ZNF705A: variants seen among roughly 807,000 people sequenced by gnomAD.
ZNF705A encodes the protein zinc finger protein 705A.
A neutral mutation model predicts 16.6 loss-of-function variants in ZNF705A; 8 were observed. The ratio of observed to expected loss-of-function variants is 0.48; its 90% CI spans 0.28 to 0.87. The LOEUF is 0.87. Among genes scored for constraint, ZNF705A ranks in the 40% least tolerant of loss-of-function variants. The pLI is 0.10. For missense variants in ZNF705A, 233 were observed against 359.9 expected (o/e 0.65, Z 2.85); for synonymous variants, 73 against 117.3 (o/e 0.62, Z 2.44).
At chr12:8,160,547 T>C (rs1356646993) in intron 1 of ZNF705A, among the ~76,000 whole-genome samples, 1 of 146,662 alleles carries the variant, frequency 6.8e-6, no homozygotes, top group African/African-American at 2.6e-5. Flanking sequence ...CCTCTTTGGT[T>C]AGGTATATTT....
Position 8,175,849 on chromosome 12 carries a change from A to C in ZNF705A, c.236-11A>C. 1 of 1,611,298 alleles carries C rather than the reference A, an allele frequency of 6.2e-7. No homozygotes were observed. Among genetic ancestry groups the C allele is most frequent in the East Asian group, 2.2e-5 (1 of 44,828 alleles). ...ATACCAATGTAACAATTTATTTTTC[A>C]ATTATTTCAGACAGGGAAAGTGCCC... On this transcript the variant is annotated splice_polypyrimidine_tract_variant and intron_variant, in intron 3 of 4. Transcript: ENST00000359286.
upstream of ZNF705A, among the ~76,000 whole-genome samples, chr12:8,168,636 A>G (rs1948419846): frequency 1.3e-5 from 2 of 152,258 alleles, no homozygotes; most frequent in African/African-American, 4.8e-5. Context: ...TATCCTTAGT[A>G]GTAATAGCCA....
At chr12:8,176,213 C>T (rs1948483325) in intron 4 of ZNF705A, among the ~76,000 whole-genome samples, 1 of 152,148 alleles carries the variant, frequency 6.6e-6, no homozygotes. Flanking sequence ...AATAACTCTG[C>T]AGTTGAGATC....
chr12:8,175,661 T>C (rs1948479192), intron 3 of ZNF705A, among the ~76,000 whole-genome samples, 199 bp from the exon 5 acceptor site: 1 of 152,190 alleles, frequency 6.6e-6, no homozygotes, highest in Admixed American at 6.5e-5. Flanking sequence ...TTTAACTCTT[T>C]TCACATTTTA....
chr12:8,168,008 G>A (rs146582651), upstream of ZNF705A, among the ~76,000 whole-genome samples: 182 of 152,336 alleles, frequency 1.2e-3, no homozygotes, highest in African/African-American at 3.6e-3. Flanking sequence ...TTTCCGGCAT[G>A]CACAGTGGTT....
chr12:8,163,000 C>T (rs913432299), intron 1 of ZNF705A, among the ~76,000 whole-genome samples: 3 of 152,214 alleles, frequency 2.0e-5, no homozygotes, highest in African/African-American at 7.2e-5. Flanking sequence ...TTCCTCAGAA[C>T]TGAGGAGGGA....
In ZNF705A at chr12:8,173,218, T is replaced by A. The variant is rs767765187; in HGVS notation, c.12+581T>A. ...AAAATATATTTGAGCTTCTAAAAAC[T>A]TTGTGAAAGGACAACTAAAGAAGTC... On this transcript the variant is annotated intron_variant, in intron 1 of 4. Coordinates refer to ENST00000359286, the Ensembl canonical transcript of ZNF705A. 2.0e-5 allele frequency among the ~76,000 whole-genome samples: 3 copies of A among 152,346 alleles called. No homozygotes were observed. The East Asian group carries it at 5.8e-4, about 29-fold the overall frequency.
At chr12:8,164,377 C>T (rs1445929964) in intron 1 of ZNF705A, among the ~76,000 whole-genome samples, 1 of 152,118 alleles carries the variant, frequency 6.6e-6, no homozygotes, top group East Asian at 1.9e-4. Context: ...TAACATAATG[C>T]CCTCCAAGTC....
chr12:8,177,623 C>G, exon 5 of ZNF705A: 1 of 1,577,072 alleles, frequency 6.3e-7, no homozygotes, highest in Non-Finnish European at 8.7e-7. Context: ...ATATGAATGC[C>G]ATTTATGTGG....
intron 1 of ZNF705A, among the ~76,000 whole-genome samples, chr12:8,166,435 C>A (rs1183749263): frequency 6.6e-6 from 1 of 152,168 alleles, no homozygotes; most frequent in Non-Finnish European, 1.5e-5. Flanking sequence ...CAGTTTTTCC[C>A]ATGCTGTTCT....
At chr12:8,164,189 C>A (rs899364305) in intron 1 of ZNF705A, among the ~76,000 whole-genome samples, 1 of 152,184 alleles carries the variant, frequency 6.6e-6, no homozygotes, top group African/African-American at 2.4e-5. Flanking sequence ...ACCTCCAGAA[C>A]TTACTTACGT....
chr12:8,175,774 G>C lies in ZNF705A; in HGVS notation c.236-86G>C. 1.9e-6 allele frequency: 3 copies of C among 1,595,874 alleles called. No homozygotes were observed. In the South Asian group the frequency reaches 3.4e-5, roughly 18 times the overall value. On this transcript the variant is annotated intron_variant, in intron 3 of 4. Coordinates refer to ENST00000359286, the Ensembl canonical transcript of ZNF705A. ...TTGCCACATCTAAGTGTCAACTTTT[G>C]AAAAAAAGTAAATGGGCCTTGGGGC...
At chr12:8,177,055 C>T (rs768098865) in exon 5 of ZNF705A, 8 of 1,610,820 alleles carry the variant, frequency 5.0e-6, no homozygotes, top group Middle Eastern at 2.3e-4. Context: ...GAGAAGATTG[C>T]ACTCACAGTT....
intron 1 of ZNF705A, among the ~76,000 whole-genome samples, chr12:8,158,250 C>A (rs1301460846): frequency 6.6e-6 from 1 of 152,068 alleles, no homozygotes; most frequent in Non-Finnish European, 1.5e-5. Context: ...TCAAATTGAA[C>A]ATTTTTATTA....
At chr12:8,169,228 G>T (rs1348349716), upstream of ZNF705A, among the ~76,000 whole-genome samples, 1 of 151,840 alleles carries the variant, frequency 6.6e-6, no homozygotes, top group Non-Finnish European at 1.5e-5. Context: ...TAAATATTTT[G>T]TTTCAGGGCA....
chr12:8,169,719 G>A (rs1392135957), upstream of ZNF705A, among the ~76,000 whole-genome samples: 1 of 152,206 alleles, frequency 6.6e-6, no homozygotes, highest in Non-Finnish European at 1.5e-5. Flanking sequence ...TGGAGAACAT[G>A]GTTTTGTTGT....
chr12:8,162,618 T>C (rs7299683), intron 1 of ZNF705A, among the ~76,000 whole-genome samples: 84,550 of 151,570 alleles, frequency 0.56, 25,002 homozygotes, highest in African/African-American at 0.76. Flanking sequence ...CACCTAATCC[T>C]TTGTCTTCCC....
chr12:8,163,758 G>C (rs1003119799), intron 1 of ZNF705A, among the ~76,000 whole-genome samples: 3 of 152,118 alleles, frequency 2.0e-5, no homozygotes, highest in Non-Finnish European at 4.4e-5. Context: ...TCTCTGTTCT[G>C]CTATACTTTA....
In ZNF705A at chr12:8,166,729, G is replaced by A. The variant is rs769743166; in HGVS notation, c.-71-5826G>A. On this transcript the variant is annotated intron_variant, in intron 1 of 5. Transcript: ENST00000396570. ...GCTTGTGGCTTGCGCCCTCTAAAGC[G>A]GTGGCCCAAACTATGTCTGGGGCCC... Among the ~76,000 whole-genome samples, 75 of 152,324 alleles carry A rather than the reference G, an allele frequency of 4.9e-4. No homozygotes were observed. In the South Asian group the frequency reaches 0.012, roughly 24 times the overall value.
Sources: gnomAD v4.1 joint callset for allele counts (sites outside exome capture counted in the v4.1 genomes callset) on GRCh38, gnomAD v4.1.1 for gene constraint, MANE v1.5 for transcripts, NCBI Gene and HGNC (gene_info 2026-07-23, HGNC 2026-07-21) for gene names.